ADAM22: variants seen among roughly 807,000 people sequenced by gnomAD.
The protein encoded by ADAM22 is disintegrin and metalloproteinase domain-containing protein 22.
In ADAM22, 65 loss-of-function variants were observed where a neutral mutation model predicts 144.6. That is an observed-to-expected ratio of 0.45 (90% CI 0.37 to 0.55). The LOEUF is 0.55. Ranked by LOEUF, ADAM22 falls within the 20% of genes least tolerant of loss-of-function variation. The pLI is 0.00. For synonymous variants in ADAM22, 391 were observed against 412.6 expected (o/e 0.95, Z 0.63); for missense variants, 974 against 1,184.9 (o/e 0.82, Z 2.61).
rs543197742 is a variant in ADAM22, at chr7:88,168,315, T to C, written c.2282+88T>C. 1.1e-4 allele frequency: 149 copies of C among 1,312,880 alleles called. No homozygotes were observed. In the African/African-American group the frequency reaches 1.9e-3, roughly 17 times the overall value. 81.3% of individuals were successfully genotyped at this position (1,312,880 alleles called of 1,614,324 possible). ...AAAACATCTAGAAAGTTTTGTATCA[T>C]TGGTTGAATATACTTGCAATGAAAA... On this transcript the variant is annotated intron_variant, in intron 25 of 31. Transcript: ENST00000413139.
At chr7:87,938,029 A>G (rs949067414) in intron 2 of ADAM22, among the ~76,000 whole-genome samples, 3 of 152,118 alleles carry the variant, frequency 2.0e-5, no homozygotes, top group Non-Finnish European at 4.4e-5. Context: ...TGTTTATCTT[A>G]GGCCAACTTT....
rs1010329698 is a variant in ADAM22 at position 88,106,436 on chromosome 7, A to G, written c.391-1740A>G. The stretch of plus-strand genomic sequence containing the variant: ...GTTTCCTTGGAATTTCGGTGAAGAA[A>G]ATGTCTTCAGTCTGTTACATCTCCA... On this transcript the variant is annotated intron_variant, in intron 4 of 31. Transcript: ENST00000413139. 2.6e-5 allele frequency among the ~76,000 whole-genome samples: 4 copies of G among 152,114 alleles called. No individual in the cohort carries two copies. The East Asian group carries it at 7.7e-4, about 29-fold the overall frequency.
In ADAM22 at chr7:87,978,332, G is replaced by A. The variant is rs183986345; in HGVS notation, c.247-4G>A. ...AATAACCTTTTTTCTTTTTGATATT[G>A]TAGTTGACTCATGTTGACCAAGCAA... On this transcript the variant is annotated splice_polypyrimidine_tract_variant and splice_region_variant and intron_variant, in intron 2 of 31. Coordinates refer to ENST00000413139, the MANE Select transcript of ADAM22 (RefSeq NM_001324418.2). The A allele has an allele frequency of 6.2e-7, 1 of 1,610,920 alleles. No individual in the cohort carries two copies. Among genetic ancestry groups the A allele is most frequent in the East Asian group, 2.2e-5 (1 of 44,790 alleles).
At chr7:88,087,217 G>A (rs2129484155) in intron 4 of ADAM22, among the ~76,000 whole-genome samples, 1 of 152,154 alleles carries the variant, frequency 6.6e-6, no homozygotes, top group African/African-American at 2.4e-5. Flanking sequence ...CATAAAAATT[G>A]AAATGTATTT....
At chr7:88,149,249 G>A (rs1014154839) in intron 18 of ADAM22, among the ~76,000 whole-genome samples, 192 bp downstream of exon 18, 1 of 152,078 alleles carries the variant, frequency 6.6e-6, no homozygotes, top group African/African-American at 2.4e-5. Flanking sequence ...TTGTCTTAAC[G>A]TTGAACTAAC....
At chr7:88,173,010 A>G (rs945489116) in intron 26 of ADAM22, among the ~76,000 whole-genome samples, 4 of 152,124 alleles carry the variant, frequency 2.6e-5, no homozygotes, top group Non-Finnish European at 5.9e-5. Flanking sequence ...GTAATTTAAT[A>G]TTGCTGAATA....
Position 88,075,608 on chromosome 7 carries a change from T to G in ADAM22, c.324-18T>G. On this transcript the variant is annotated intron_variant, in intron 3 of 31. Transcript: ENST00000413139. ...TTTTGGGATCCTCTTTAGTCATCAT[T>G]TATTTTTGTTGTTGCAGTGATTTGC... The G allele has an allele frequency of 6.2e-7, 1 of 1,611,044 alleles. No homozygotes were observed. Among genetic ancestry groups the G allele is most frequent in the Non-Finnish European group, 8.5e-7 (1 of 1,177,594 alleles).
chr7:88,015,345 C>A (rs1167765204), intron 3 of ADAM22, among the ~76,000 whole-genome samples: 1 of 152,160 alleles, frequency 6.6e-6, no homozygotes, highest in Non-Finnish European at 1.5e-5. Flanking sequence ...TAAATAATTA[C>A]CCCACTTCAT....
intron 3 of ADAM22, among the ~76,000 whole-genome samples, chr7:88,045,350 G>T (rs182875210): frequency 1.4e-4 from 21 of 151,960 alleles, no homozygotes; most frequent in Admixed American, 7.9e-4. Context: ...AATCTCCTTT[G>T]TTAATTCTTT....
intron 3 of ADAM22, among the ~76,000 whole-genome samples, chr7:88,035,689 GT>G (rs1469354457): frequency 4.6e-5 from 7 of 152,296 alleles, no homozygotes; most frequent in African/African-American, 1.7e-4. Context: ...GATATTATAA[GT>G]AATCTAGAGA....
At chr7:88,116,328 C>T (rs896250505) in intron 6 of ADAM22, among the ~76,000 whole-genome samples, 2 of 152,078 alleles carry the variant, frequency 1.3e-5, no homozygotes, top group Admixed American at 6.5e-5. Context: ...TTACTTATAC[C>T]AGGCATCCTG....
intron 3 of ADAM22, among the ~76,000 whole-genome samples, chr7:88,036,954 A>T (rs1392733522): frequency 1.3e-5 from 2 of 152,118 alleles, no homozygotes; most frequent in Admixed American, 6.5e-5. Flanking sequence ...TAGAATTTGT[A>T]GTCTTCCCTC....
chr7:87,949,405 A>C (rs547151196), intron 2 of ADAM22, among the ~76,000 whole-genome samples: 3 of 152,248 alleles, frequency 2.0e-5, no homozygotes, highest in Non-Finnish European at 4.4e-5. Context: ...TGAGGCCACT[A>C]TAATCACTGT....
At chr7:88,185,117 G>A (rs1226786851) in intron 29 of ADAM22, among the ~76,000 whole-genome samples, 1 of 152,160 alleles carries the variant, frequency 6.6e-6, no homozygotes, top group Non-Finnish European at 1.5e-5. Context: ...TTTGTTGAGA[G>A]TCTCAGTGGA....
intron 3 of ADAM22, among the ~76,000 whole-genome samples, chr7:88,032,975 G>A (rs144760751): frequency 7.2e-4 from 109 of 152,282 alleles, no homozygotes; most frequent in African/African-American, 2.5e-3. Flanking sequence ...ACTGTGAGCC[G>A]ATCCAACCTC....
At chr7:87,982,068 TACACACACACACAC>T (rs1175758724) in intron 3 of ADAM22, among the ~76,000 whole-genome samples, 2 of 93,720 alleles carry the variant, frequency 2.1e-5, no homozygotes, top group African/African-American at 9.2e-5. Flanking sequence ...TATATATATA[TACACACACACACAC>T]ACACACACAC....
At chr7:88,009,552 C>T (rs1374139084) in intron 3 of ADAM22, among the ~76,000 whole-genome samples, 2 of 152,004 alleles carry the variant, frequency 1.3e-5, no homozygotes, top group Non-Finnish European at 2.9e-5. Context: ...CTTTTAAAAT[C>T]ATAGTTAAAA....
intron 14 of ADAM22, among the ~76,000 whole-genome samples, chr7:88,139,101 C>T (rs1422981798): frequency 6.6e-6 from 1 of 152,168 alleles, no homozygotes; most frequent in Non-Finnish European, 1.5e-5. Flanking sequence ...GGATCCAACT[C>T]AGGTTTTGAC....
At chr7:88,139,166 C>T (rs1833888865) in intron 14 of ADAM22, among the ~76,000 whole-genome samples, 1 of 152,146 alleles carries the variant, frequency 6.6e-6, no homozygotes, top group South Asian at 2.1e-4. Context: ...GCCTGTAATC[C>T]CAGCACTTTG....
Sources: gnomAD v4.1 joint callset for allele counts (sites outside exome capture counted in the v4.1 genomes callset) on GRCh38, gnomAD v4.1.1 for gene constraint, MANE v1.5 for transcripts, NCBI Gene and HGNC (gene_info 2026-07-23, HGNC 2026-07-21) for gene names.